Variants in GNAQ observed in about 807,000 individuals in gnomAD.
The protein encoded by GNAQ is guanine nucleotide-binding protein G(q) subunit alpha.
Under a neutral mutation model 43.9 loss-of-function variants are expected in GNAQ, and 8 were observed. The observed-to-expected ratio is 0.18, with a 90% confidence interval of 0.11 to 0.33. GNAQ has a LOEUF of 0.33. GNAQ is among the 10% of genes least tolerant of loss of function. GNAQ has a pLI of 1.00. For synonymous variants in GNAQ, 155 were observed against 170.7 expected (o/e 0.91, Z 0.71); for missense variants, 158 against 450.8 (o/e 0.35, Z 5.88).
At chr9:77,939,076 C>T (rs557849859) in intron 1 of GNAQ, among the ~76,000 whole-genome samples, 1 of 152,262 alleles carries the variant, frequency 6.6e-6, no homozygotes, top group Admixed American at 6.5e-5. Flanking sequence ...GGAGAGACAC[C>T]AGTACAAATC....
At chr9:77,812,903 A>T (rs1476878856) in intron 3 of GNAQ, among the ~76,000 whole-genome samples, 1 of 151,540 alleles carries the variant, frequency 6.6e-6, no homozygotes, top group Non-Finnish European at 1.5e-5. Context: ...ATTTATTTTT[A>T]TTTTTTATTT....
At chr9:77,943,660 CTTTTTTTTTTT>C (rs34195207) in intron 1 of GNAQ, among the ~76,000 whole-genome samples, 2 of 116,168 alleles carry the variant, frequency 1.7e-5, no homozygotes, top group Non-Finnish European at 1.7e-5. Flanking sequence ...AAGTAACTAA[CTTTTTTTTTTT>C]TTTTTTTTTT....
intron 1 of GNAQ, among the ~76,000 whole-genome samples, chr9:77,944,066 T>C (rs1341456378): frequency 1.3e-5 from 2 of 152,134 alleles, no homozygotes; most frequent in Admixed American, 6.5e-5. Context: ...GTTCCTCATA[T>C]ATTAGAAGAG....
At chr9:77,834,438 T>C (rs1827351559) in intron 2 of GNAQ, among the ~76,000 whole-genome samples, 3 of 152,360 alleles carry the variant, frequency 2.0e-5, no homozygotes, top group South Asian at 2.1e-4. Flanking sequence ...TGAGATTCTA[T>C]GGCTTGAATG....
At chr9:77,750,842 C>G (rs2118291598) in intron 5 of GNAQ, among the ~76,000 whole-genome samples, 1 of 152,256 alleles carries the variant, frequency 6.6e-6, no homozygotes, top group South Asian at 2.1e-4. Context: ...CCCCCAACAC[C>G]CAAACAACAC....
intron 1 of GNAQ, among the ~76,000 whole-genome samples, chr9:77,975,535 C>CG (rs1350400111): frequency 7.1e-6 from 1 of 140,552 alleles, no homozygotes; most frequent in South Asian, 2.5e-4. Context: ...ATCAGCCCCC[C>CG]CTTTTTTTTT....
intron 2 of GNAQ, among the ~76,000 whole-genome samples, chr9:77,903,095 G>A (rs1343674666): frequency 6.6e-6 from 1 of 152,136 alleles, no homozygotes; most frequent in Non-Finnish European, 1.5e-5. Flanking sequence ...ATCAGGGCAG[G>A]GGTGGGAAGA....
intron 2 of GNAQ, among the ~76,000 whole-genome samples, chr9:77,825,338 A>G (rs1366720682): frequency 6.6e-6 from 1 of 152,228 alleles, no homozygotes; most frequent in Non-Finnish European, 1.5e-5. Flanking sequence ...AGACTGCTTC[A>G]GCCTTCATTT....
chr9:77,843,916 T>C (rs900168105), intron 2 of GNAQ, among the ~76,000 whole-genome samples: 6 of 152,160 alleles, frequency 3.9e-5, no homozygotes, highest in Admixed American at 1.3e-4. Context: ...GGGTTGTGTC[T>C]GGGTTCATTA....
In GNAQ at chr9:77,891,279, T is replaced by C. The variant is rs958944766; in HGVS notation, c.321+30882A>G. Among the ~76,000 whole-genome samples, 4 of 152,208 alleles carry C rather than the reference T, an allele frequency of 2.6e-5. 1 individual carries two copies. The highest frequency in any genetic ancestry group is 5.9e-5 in the Non-Finnish European group (4 of 68,036). ...GCCCTATCACACGTTCTCCTCTCCATCTCTTGCTCTCTTTCGTAGCAGCAG... is the reference window on the plus strand; with the variant it reads ...GCCCTATCACACGTTCTCCTCTCCACCTCTTGCTCTCTTTCGTAGCAGCAG... On this transcript the variant is annotated intron_variant, in intron 2 of 6. Transcript: ENST00000286548.
chr9:77,762,133 C>A (rs1826044516), intron 5 of GNAQ, among the ~76,000 whole-genome samples: 1 of 134,622 alleles, frequency 7.4e-6, no homozygotes, highest in Non-Finnish European at 1.6e-5. Context: ...GGGGGGTCAG[C>A]CCCCTGCCCG....
chr9:77,836,190 T>C (rs897765618), intron 2 of GNAQ, among the ~76,000 whole-genome samples: 6 of 151,078 alleles, frequency 4.0e-5, no homozygotes, highest in African/African-American at 1.2e-4. Flanking sequence ...ATTTTTTTTT[T>C]CCTCAAAATA....
chr9:77,728,670 G>A lies in GNAQ; in HGVS notation c.736-3C>T. ...GCCTTGCTTTCCTCCATTCGGTTCTGGAAAAAAAAAAAAAATCAGAAAAAA... is the reference window on the plus strand; with the variant it reads ...GCCTTGCTTTCCTCCATTCGGTTCTAGAAAAAAAAAAAAAATCAGAAAAAA... On this transcript the variant is annotated splice_polypyrimidine_tract_variant and splice_region_variant and intron_variant, in intron 5 of 6. Transcript: ENST00000286548. 1 of 1,440,454 alleles carries A rather than the reference G, an allele frequency of 6.9e-7. No homozygotes were observed. Among genetic ancestry groups the A allele is most frequent in the Non-Finnish European group, 9.2e-7 (1 of 1,082,216 alleles). The allele number at this position is 1,440,454 out of a possible 1,614,324, so 89.2% of individuals were successfully genotyped here.
At chr9:77,781,085 C>A (rs1826386791) in intron 5 of GNAQ, among the ~76,000 whole-genome samples, 1 of 151,540 alleles carries the variant, frequency 6.6e-6, no homozygotes, top group East Asian at 1.9e-4. Context: ...GTTTCCATTG[C>A]TGCACAGAAA....
At chr9:77,933,941 T>C (rs1213613581) in intron 1 of GNAQ, among the ~76,000 whole-genome samples, 8 of 152,172 alleles carry the variant, frequency 5.3e-5, no homozygotes, top group Non-Finnish European at 1.5e-5. Context: ...AAAAGCACTC[T>C]GAATTTCCTT....
intron 2 of GNAQ, among the ~76,000 whole-genome samples, chr9:77,900,117 G>A (rs1828577539): frequency 6.6e-6 from 1 of 152,264 alleles, no homozygotes; most frequent in Non-Finnish European, 1.5e-5. Context: ...AAGTCAATCA[G>A]TAATCCTGGA....
rs1826625588 is a variant in GNAQ at position 77,794,401 on chromosome 9, C to G, written c.735+62G>C. The G allele has an allele frequency of 4.3e-6, 5 of 1,174,178 alleles. No individual in the cohort carries two copies. The Admixed American group carries it at 8.9e-5, about 21-fold the overall frequency. The allele number at this position is 1,174,178 out of a possible 1,614,324, so 72.7% of individuals were successfully genotyped here. A position where few individuals can be genotyped will look rare whatever the true frequency, so the allele number is the denominator to read the frequency against. ...CACTCCATTCCCCACACCCTACTTT[C>G]TATCATTTACTTGTATCAGATAATA... On this transcript the variant is annotated intron_variant, in intron 5 of 6. Transcript: ENST00000286548.
chr9:77,741,306 T>G (rs1825650858), intron 5 of GNAQ, among the ~76,000 whole-genome samples: 1 of 152,228 alleles, frequency 6.6e-6, no homozygotes, highest in South Asian at 2.1e-4. Flanking sequence ...CAATTTTATA[T>G]GTTTTAAAAG....
At chr9:77,982,708 T>C (rs1193346575) in intron 1 of GNAQ, among the ~76,000 whole-genome samples, 1 of 149,712 alleles carries the variant, frequency 6.7e-6, no homozygotes. Context: ...ATCCTCTACC[T>C]GTATCGAACT....
Sources: gnomAD v4.1 joint callset for allele counts (sites outside exome capture counted in the v4.1 genomes callset) on GRCh38, gnomAD v4.1.1 for gene constraint, MANE v1.5 for transcripts, NCBI Gene and HGNC (gene_info 2026-07-23, HGNC 2026-07-21) for gene names.